Variants in MAPK8 observed in about 807,000 individuals in gnomAD.
The protein encoded by MAPK8 is mitogen-activated protein kinase 8.
In MAPK8, 13 loss-of-function variants were observed where a neutral mutation model predicts 52.9. The ratio of observed to expected loss-of-function variants is 0.25; its 90% CI spans 0.16 to 0.39. The LOEUF is 0.39. MAPK8 is among the 10% of genes least tolerant of loss of function. The pLI is 1.00. For synonymous variants in MAPK8, 191 were observed against 169.8 expected (o/e 1.12, Z -0.97); for missense variants, 300 against 519.2 (o/e 0.58, Z 4.10).
chr10:48,352,959 C>T lies in MAPK8; in HGVS notation c.-50+46138C>T, dbSNP rs543424101. On this transcript the variant is annotated intron_variant, in intron 1 of 11. Transcript: ENST00000374189. ...TGAATTTCTCTACACTAGCAATGAACGTGTGAAAACCATAATTAAAAGTGA... is the reference window on the plus strand; with the variant it reads ...TGAATTTCTCTACACTAGCAATGAATGTGTGAAAACCATAATTAAAAGTGA... Among the ~76,000 whole-genome samples, 12 of 151,944 alleles carry T rather than the reference C, an allele frequency of 7.9e-5. 1 individual carries two copies. In the South Asian group the frequency reaches 1.0e-3, roughly 13 times the overall value.
rs551292010 is a variant in MAPK8, at chr10:48,339,057, AT to A, written c.-50+32244del. Among the ~76,000 whole-genome samples the A allele has an allele frequency of 2.5e-4, 38 of 152,148 alleles. 1 individual carries two copies. In the Middle Eastern group the frequency reaches 0.02, roughly 82 times the overall value. ...TAATTCCTATCAAATTACCAATGTG[AT>A]TTTTTTTCACAGAATTAGAAAAGAC... On this transcript the variant is annotated intron_variant, in intron 1 of 11. Transcript: ENST00000374189.
chr10:48,379,202 A>G (rs1033219717), intron 1 of MAPK8, among the ~76,000 whole-genome samples: 2 of 152,202 alleles, frequency 1.3e-5, no homozygotes, highest in African/African-American at 4.8e-5. Context: ...TTGAAGTCCC[A>G]AAATATTTTG....
intron 1 of MAPK8, among the ~76,000 whole-genome samples, chr10:48,397,068 G>A (rs1410928882): frequency 6.6e-6 from 1 of 151,840 alleles, no homozygotes; most frequent in East Asian, 1.9e-4. Context: ...AACTAACACT[G>A]GTATAAAACT....
At chr10:48,351,192 C>G (rs1034972344) in intron 1 of MAPK8, among the ~76,000 whole-genome samples, 8 of 151,706 alleles carry the variant, frequency 5.3e-5, no homozygotes, top group Non-Finnish European at 7.4e-5. Flanking sequence ...CCATACTGCT[C>G]TAAGTAATTT....
intron 1 of MAPK8, among the ~76,000 whole-genome samples, chr10:48,358,846 G>A (rs903987869): frequency 6.6e-6 from 1 of 152,176 alleles, no homozygotes; most frequent in Non-Finnish European, 1.5e-5. Context: ...TAGTTGTCTG[G>A]CACCATTTGT....
chr10:48,391,451 A>T (rs1314648089), intron 1 of MAPK8, among the ~76,000 whole-genome samples: 2 of 152,168 alleles, frequency 1.3e-5, no homozygotes, highest in Admixed American at 1.3e-4. Context: ...AAGCTTCATG[A>T]TGGAGAGATC....
intron 10 of MAPK8, 125 bp from the exon 11 acceptor site, chr10:48,431,068 C>T (rs2044199427): frequency 1.5e-6 from 1 of 676,348 alleles, no homozygotes. Flanking sequence ...ATTTAACTGA[C>T]TGTCATTGTA....
intron 1 of MAPK8, among the ~76,000 whole-genome samples, chr10:48,348,439 G>A (rs1031760447): frequency 2.6e-5 from 4 of 152,168 alleles, no homozygotes; most frequent in African/African-American, 9.7e-5. Flanking sequence ...TGCTTTTGGT[G>A]TTTTAGTCAT....
chr10:48,421,497 A>C (rs960314074), intron 6 of MAPK8, among the ~76,000 whole-genome samples: 1 of 152,180 alleles, frequency 6.6e-6, no homozygotes, highest in Non-Finnish European at 1.5e-5. Flanking sequence ...ATTAGCACTA[A>C]GAAAAACTGT....
chr10:48,367,577 T>C (rs1420678863), intron 1 of MAPK8, among the ~76,000 whole-genome samples: 1 of 152,074 alleles, frequency 6.6e-6, no homozygotes, highest in Non-Finnish European at 1.5e-5. Context: ...TAAGTAACAT[T>C]ATTATGAAAA....
chr10:48,326,407 A>G (rs1240064339), intron 1 of MAPK8, among the ~76,000 whole-genome samples: 4 of 151,974 alleles, frequency 2.6e-5, no homozygotes, highest in East Asian at 1.9e-4. Flanking sequence ...GTGAGCACTT[A>G]CTTTCTGGCA....
intron 1 of MAPK8, among the ~76,000 whole-genome samples, chr10:48,323,166 A>T (rs1488115455): frequency 6.6e-6 from 1 of 152,214 alleles, no homozygotes; most frequent in Non-Finnish European, 1.5e-5. Flanking sequence ...AATGGCAGAG[A>T]AAACTAGATA....
intron 1 of MAPK8, chr10:48,308,194 G>A (rs976347954): frequency 6.6e-6 from 1 of 152,152 alleles, no homozygotes; most frequent in Non-Finnish European, 1.5e-5. Context: ...AACATGTTTA[G>A]TGCTGTGCCT....
intron 1 of MAPK8, among the ~76,000 whole-genome samples, chr10:48,356,271 G>A (rs1352057502): frequency 6.6e-6 from 1 of 152,088 alleles, no homozygotes; most frequent in Non-Finnish European, 1.5e-5. Flanking sequence ...GTACTTGTGA[G>A]GACAGTAAAG....
At chr10:48,419,098 T>C (rs936019429) in intron 5 of MAPK8, among the ~76,000 whole-genome samples, 3 of 152,222 alleles carry the variant, frequency 2.0e-5, no homozygotes, top group Non-Finnish European at 4.4e-5. Context: ...ATTGTTGGTA[T>C]ATTTAATTTC....
intron 5 of MAPK8, among the ~76,000 whole-genome samples, chr10:48,417,946 A>G (rs1169506713): frequency 6.6e-6 from 1 of 152,222 alleles, no homozygotes; most frequent in Non-Finnish European, 1.5e-5. Flanking sequence ...AGCAGGGTTC[A>G]ACAAACTTTT....
intron 9 of MAPK8, 56 bp downstream of exon 9, chr10:48,426,560 C>A: frequency 6.6e-7 from 1 of 1,519,846 alleles, no homozygotes; most frequent in Non-Finnish European, 8.9e-7. Context: ...GTTAGAATGA[C>A]AGTTAGGTTT....
At chr10:48,344,061 C>G (rs1845542432) in intron 1 of MAPK8, among the ~76,000 whole-genome samples, 2 of 152,146 alleles carry the variant, frequency 1.3e-5, no homozygotes, top group African/African-American at 2.4e-5. Flanking sequence ...TCCACTCTGT[C>G]CCATTTAGCC....
At chr10:48,371,668 C>A (rs1280132394) in intron 1 of MAPK8, among the ~76,000 whole-genome samples, 1 of 152,046 alleles carries the variant, frequency 6.6e-6, no homozygotes, top group African/African-American at 2.4e-5. Context: ...TGATTCAATT[C>A]TATTCTGACA....
Sources: gnomAD v4.1 joint callset for allele counts (sites outside exome capture counted in the v4.1 genomes callset) on GRCh38, gnomAD v4.1.1 for gene constraint, MANE v1.5 for transcripts, NCBI Gene and HGNC (gene_info 2026-07-23, HGNC 2026-07-21) for gene names.